The following PHLPP1 variants were observed in gnomAD, a reference collection of about 807,000 sequenced individuals.
PHLPP1 encodes the protein PH domain leucine-rich repeat-containing protein phosphatase 1.
A neutral mutation model predicts 117.2 loss-of-function variants in PHLPP1; 42 were observed. The ratio of observed to expected loss-of-function variants is 0.36; its 90% CI spans 0.28 to 0.46. The LOEUF (loss-of-function observed/expected upper bound fraction) is 0.46. Ranked by LOEUF, PHLPP1 falls within the 20% of genes least tolerant of loss-of-function variation. The pLI is 1.00. For synonymous variants in PHLPP1, 1,042 were observed against 970.7 expected (o/e 1.07, Z -1.37); for missense variants, 2,084 against 2,241.9 (o/e 0.93, Z 1.42).
At chr18:62,960,098 G>A (rs1910723365) in intron 13 of PHLPP1, among the ~76,000 whole-genome samples, 1 of 151,896 alleles carries the variant, frequency 6.6e-6, no homozygotes. Context: ...TTTATACGTA[G>A]GATACAAAAA....
intron 1 of PHLPP1, among the ~76,000 whole-genome samples, chr18:62,800,298 T>G (rs1274963015): frequency 6.6e-6 from 1 of 152,218 alleles, no homozygotes; most frequent in Admixed American, 6.5e-5. Context: ...AACAGGGATA[T>G]CCGAATGTTC....
intron 2 of PHLPP1, among the ~76,000 whole-genome samples, chr18:62,836,293 G>A (rs1022907207): frequency 2.0e-5 from 3 of 151,246 alleles, no homozygotes; most frequent in African/African-American, 2.4e-5. Flanking sequence ...AATTGGTGGC[G>A]CAGTGGCAGG....
chr18:62,783,910 A>G (rs533822690), intron 1 of PHLPP1, among the ~76,000 whole-genome samples: 38 of 152,296 alleles, frequency 2.5e-4, no homozygotes, highest in Admixed American at 5.9e-4. Flanking sequence ...CTCATTCAAG[A>G]AAGGGCCTGA....
chr18:62,820,391 C>T (rs1413571920), intron 1 of PHLPP1, among the ~76,000 whole-genome samples: 1 of 152,234 alleles, frequency 6.6e-6, no homozygotes, highest in Admixed American at 6.5e-5. Flanking sequence ...AATACACATT[C>T]TTTTCAAGTA....
intron 7 of PHLPP1, among the ~76,000 whole-genome samples, chr18:62,904,423 G>T (rs572411759): frequency 1.3e-5 from 2 of 152,314 alleles, no homozygotes; most frequent in Admixed American, 1.3e-4. Context: ...TGTACAGAAT[G>T]CATTTATAGA....
intron 6 of PHLPP1, among the ~76,000 whole-genome samples, chr18:62,897,271 A>T (rs945476017): frequency 7.2e-5 from 11 of 152,218 alleles, no homozygotes. Context: ...AATGTCTGGA[A>T]GTAATAAATC....
chr18:62,851,775 C>T (rs1041127878), intron 3 of PHLPP1, among the ~76,000 whole-genome samples: 3 of 151,772 alleles, frequency 2.0e-5, no homozygotes, highest in African/African-American at 4.8e-5. Context: ...TCATTTTTAA[C>T]CTATTGATGA....
rs952163602 is a variant in PHLPP1 at position 62,742,439 on chromosome 18, A to AT, written c.1576+25192dup. Among the ~76,000 whole-genome samples, 431 of 147,170 alleles carry AT rather than the reference A, an allele frequency of 2.9e-3. 1 individual carries two copies. Among genetic ancestry groups the AT allele is most frequent in the African/African-American group, 9.3e-3 (375 of 40,418 alleles). ...ATAGTCTTTTTACTGGCTTCATGTAATTTTTTTTTTTTGAGATGGAGTCTT... is the reference window on the plus strand; with the variant it reads ...ATAGTCTTTTTACTGGCTTCATGTAATTTTTTTTTTTTTGAGATGGAGTCTT... On this transcript the variant is annotated intron_variant, in intron 1 of 16. Coordinates refer to ENST00000262719, the MANE Select transcript of PHLPP1 (RefSeq NM_194449.4).
intron 1 of PHLPP1, chr18:62,824,241 C>T (rs1011207289): frequency 1.5e-5 from 7 of 454,962 alleles, no homozygotes; most frequent in Admixed American, 1.4e-4. Context: ...TAGGTATTTA[C>T]CCGAGAGGAA....
intron 1 of PHLPP1, among the ~76,000 whole-genome samples, chr18:62,816,549 A>G (rs1914279867): frequency 1.3e-5 from 2 of 152,238 alleles, no homozygotes; most frequent in South Asian, 4.1e-4. Context: ...CCTGGGTGAT[A>G]GAACAATACT....
intron 1 of PHLPP1, among the ~76,000 whole-genome samples, chr18:62,812,818 A>G (rs1219089911): frequency 3.3e-5 from 5 of 152,178 alleles, no homozygotes; most frequent in African/African-American, 9.7e-5. Context: ...TCTAGGTGGA[A>G]TATAGAAGTT....
intron 1 of PHLPP1, among the ~76,000 whole-genome samples, chr18:62,799,514 G>A (rs1002766792): frequency 1.3e-5 from 2 of 152,174 alleles, no homozygotes; most frequent in African/African-American, 2.4e-5. Context: ...CCTTACATTA[G>A]GAAACTGAGC....
At chr18:62,785,096 T>C (rs1417127572) in intron 1 of PHLPP1, among the ~76,000 whole-genome samples, 1 of 152,212 alleles carries the variant, frequency 6.6e-6, no homozygotes, top group Non-Finnish European at 1.5e-5. Context: ...ATGTATTGTT[T>C]ATATTGTTCA....
At chr18:62,875,345 C>A (rs1009725233) in intron 4 of PHLPP1, among the ~76,000 whole-genome samples, 3 of 152,034 alleles carry the variant, frequency 2.0e-5, no homozygotes, top group Admixed American at 2.0e-4. Flanking sequence ...TCTTAACATT[C>A]TCCTTTGGAT....
intron 1 of PHLPP1, among the ~76,000 whole-genome samples, chr18:62,781,660 A>AT (rs375445528): frequency 1.4e-4 from 21 of 150,006 alleles, no homozygotes; most frequent in East Asian, 3.9e-4. Context: ...GGATAAGATG[A>AT]TTTTTTTTTT....
chr18:62,873,002 A>AAAG (rs1555678864), intron 4 of PHLPP1, among the ~76,000 whole-genome samples: 64 of 140,280 alleles, frequency 4.6e-4, no homozygotes, highest in East Asian at 3.8e-3. Flanking sequence ...AAAAAAAAAA[A>AAAG]AAAAAGAAAA....
In PHLPP1 at chr18:62,979,255, C is replaced by G. The variant is rs758778907; in HGVS notation, c.4978C>G (p.Pro1660Ala). ...GYFAAPAQPD[P>A]DDQFIIPPEL... is the part of the protein sequence containing the mutation. The stretch of plus-strand genomic sequence containing the variant: ...TTTTGCTGCCCCGGCTCAGCCGGAT[C>G]CTGATGATCAGTTTATCATACCCCC... Residue 1660 changes from proline to alanine, a missense_variant, in exon 17 of 17, where the codon CCT (proline) becomes GCT (alanine). Pro to Ala is a conservative substitution (Grantham distance 27, BLOSUM62 -1). Around this residue, in one of 2 missense-constraint regions of PHLPP1, gnomAD observed 1,365 missense variants for 1,605.9 expected, o/e 0.85. Coordinates refer to ENST00000262719, the MANE Select transcript of PHLPP1 (RefSeq NM_194449.4). The G allele has an allele frequency of 1.3e-6, 2 of 1,582,820 alleles. No homozygotes were observed. Among genetic ancestry groups the G allele is most frequent in the South Asian group, 2.3e-5 (2 of 86,968 alleles).
rs2144498154 is a variant in PHLPP1, at chr18:62,980,159, G to A, written c.*728G>A. 6.5e-6 allele frequency: 1 copy of A among 152,700 alleles called. No homozygotes were observed. Among genetic ancestry groups the A allele is most frequent in the Middle Eastern group, 3.4e-3 (1 of 292 alleles). 9.5% of individuals were successfully genotyped at this position (152,700 alleles called of 1,614,324 possible). The stretch of plus-strand genomic sequence containing the variant: ...ACTCACCCTCACTTCACTGAATGAG[G>A]AGGCTGAGCAGCTGCAGTGTTTCTG... On this transcript the variant is annotated 3_prime_UTR_variant, in exon 17 of 17. Transcript: ENST00000262719.
chr18:62,732,195 G>A (rs1459223949), intron 1 of PHLPP1, among the ~76,000 whole-genome samples: 27 of 152,210 alleles, frequency 1.8e-4, no homozygotes, highest in Admixed American at 1.8e-3. Flanking sequence ...GACTTTCATA[G>A]CTAGAGAGGA....
Sources: gnomAD v4.1 joint callset for allele counts (sites outside exome capture counted in the v4.1 genomes callset) on GRCh38, gnomAD v4.1.1 for gene constraint, gnomAD v4.1.1 regional missense constraint, MANE v1.5 for transcripts, NCBI Gene and HGNC (gene_info 2026-07-23, HGNC 2026-07-21) for gene names.